FAM117B: variants seen among roughly 807,000 people sequenced by gnomAD.
FAM117B encodes the protein protein FAM117B.
Under a neutral mutation model 52.8 loss-of-function variants are expected in FAM117B, and 22 were observed. The observed-to-expected ratio is 0.42, with a 90% CI of 0.30 to 0.59. The LOEUF is 0.59. Among genes scored for constraint, FAM117B ranks in the 20% least tolerant of loss-of-function variants. The pLI, the probability that FAM117B is intolerant of heterozygous loss-of-function variation, is 0.22. For synonymous variants in FAM117B, 309 were observed against 324.1 expected (o/e 0.95, Z 0.50); for missense variants, 678 against 802.6 (o/e 0.84, Z 1.88).
At chr2:202,700,308 T>C (rs1690778429) in intron 2 of FAM117B, among the ~76,000 whole-genome samples, 1 of 152,146 alleles carries the variant, frequency 6.6e-6, no homozygotes. Context: ...AAAGGAAAAG[T>C]TTTTGAAGGA....
chr2:202,714,533 C>CTTTTTTTTTTTT (rs1034689626), intron 2 of FAM117B, among the ~76,000 whole-genome samples: 347 of 117,528 alleles, frequency 3.0e-3, no homozygotes, highest in Middle Eastern at 4.8e-3. Context: ...TTTTTTTTTT[C>CTTTTTTTTTTTT]TTTTTTTTTT....
intron 2 of FAM117B, among the ~76,000 whole-genome samples, chr2:202,719,869 A>G (rs1691123434): frequency 6.6e-6 from 1 of 152,086 alleles, no homozygotes; most frequent in South Asian, 2.1e-4. Flanking sequence ...AGTGTAGACC[A>G]GTATTTTTTT....
intron 4 of FAM117B, among the ~76,000 whole-genome samples, chr2:202,743,198 G>T (rs1318052125): frequency 6.6e-6 from 1 of 152,190 alleles, no homozygotes; most frequent in Non-Finnish European, 1.5e-5. Context: ...GACTAGCCTG[G>T]CTAGTATTCC....
rs199855927 is a variant in FAM117B, at chr2:202,691,649, T to TTGTG, written c.602-4185_602-4182dup. On this transcript the variant is annotated intron_variant, in intron 1 of 7. Coordinates refer to ENST00000392238, the MANE Select transcript of FAM117B (RefSeq NM_173511.4). Reference sequence around the variant, plus strand: ...TATAATGCATATATACCAGTTTACATTGTGTGTGTGTGTGTGTGTGTGTGT... The same window carrying TTGTG: ...TATAATGCATATATACCAGTTTACATTGTGTGTGTGTGTGTGTGTGTGTGTGTGT... Among the ~76,000 whole-genome samples, 1,082 of 126,768 alleles carry TTGTG rather than the reference T, an allele frequency of 8.5e-3. 11 individuals are homozygous for TTGTG. Among genetic ancestry groups the TTGTG allele is most frequent in the Admixed American group, 0.015 (196 of 12,790 alleles). 83.2% of individuals were successfully genotyped at this position (126,768 alleles called of 152,430 possible).
intron 2 of FAM117B, 93 bp from the exon 3 acceptor site, chr2:202,724,824 G>T: frequency 1.2e-6 from 1 of 848,912 alleles, no homozygotes; most frequent in Non-Finnish European, 1.7e-6. Context: ...TAATTTTTTT[G>T]TAATGGAAAT....
chr2:202,769,422 A>G lies in FAM117B; in HGVS notation c.*3658A>G, dbSNP rs1692037658. The G allele has an allele frequency of 6.6e-6, 1 of 152,666 alleles. No individual in the cohort carries two copies. Among genetic ancestry groups the G allele is most frequent in the Non-Finnish European group, 1.5e-5 (1 of 68,040 alleles). The allele number at this position is 152,666 out of a possible 1,614,324, so 9.5% of individuals were successfully genotyped here. Reference sequence around the variant, plus strand: ...TGAGTGGAAGTGCTGAATTTGCAAAATAAAGCTAAGAATGCTTAACTCTGC... The same window carrying G: ...TGAGTGGAAGTGCTGAATTTGCAAAGTAAAGCTAAGAATGCTTAACTCTGC... On this transcript the variant is annotated 3_prime_UTR_variant, in exon 8 of 8. Transcript: ENST00000392238.
Position 202,635,621 on chromosome 2 carries a change from C to CGCT in FAM117B, c.439_441dup (p.Leu147dup), listed in dbSNP as rs1034775793. Reference sequence around the variant, plus strand: ...CCCCCACGGCCGCCGCCGCCGCCGCCGCTGCTGGGCACCGTGTCGTCGCCC... The same window carrying CGCT: ...CCCCCACGGCCGCCGCCGCCGCCGCCGCTGCTGCTGGGCACCGTGTCGTCGCCC... On this transcript the variant is annotated inframe_insertion, in exon 1 of 8. Transcript: ENST00000392238. The CGCT allele has an allele frequency of 1.9e-5, 25 of 1,292,840 alleles. No homozygotes were observed. Among genetic ancestry groups the CGCT allele is most frequent in the African/African-American group, 4.7e-5 (3 of 64,140 alleles). The allele number at this position is 1,292,840 out of a possible 1,614,324, so 80.1% of individuals were successfully genotyped here.
intron 2 of FAM117B, among the ~76,000 whole-genome samples, chr2:202,696,240 C>A (rs973576593): frequency 6.6e-6 from 1 of 152,150 alleles, no homozygotes; most frequent in Non-Finnish European, 1.5e-5. Context: ...TTTTAAATAG[C>A]TATCAAAGTA....
intron 1 of FAM117B, among the ~76,000 whole-genome samples, chr2:202,655,298 G>A (rs1206510745): frequency 1.3e-5 from 2 of 152,106 alleles, no homozygotes; most frequent in East Asian, 1.9e-4. Context: ...GGAGTTTGTA[G>A]TTTTGGGTGA....
chr2:202,683,020 AGAATCCAGT>A (rs1690486114), intron 1 of FAM117B, among the ~76,000 whole-genome samples: 1 of 152,226 alleles, frequency 6.6e-6, no homozygotes, highest in African/African-American at 2.4e-5. Flanking sequence ...TAAAGGTAAC[AGAATCCAGT>A]GAATTAGGAA....
At chr2:202,761,096 G>T (rs1477202108) in intron 7 of FAM117B, among the ~76,000 whole-genome samples, 1 of 152,126 alleles carries the variant, frequency 6.6e-6, no homozygotes, top group Admixed American at 6.6e-5. Flanking sequence ...TGGGGTTTTG[G>T]CATGTGCCCA....
chr2:202,682,364 C>T (rs1032133554), intron 1 of FAM117B, among the ~76,000 whole-genome samples: 1 of 152,076 alleles, frequency 6.6e-6, no homozygotes, highest in Non-Finnish European at 1.5e-5. Context: ...TCATGAGCAC[C>T]CTACCCTAGA....
intron 1 of FAM117B, among the ~76,000 whole-genome samples, chr2:202,688,574 TAAGAA>T (rs1235403692): frequency 6.6e-6 from 1 of 152,062 alleles, no homozygotes; most frequent in East Asian, 1.9e-4. Flanking sequence ...TCTCTAAGAT[TAAGAA>T]AAGAAAGGTT....
intron 1 of FAM117B, among the ~76,000 whole-genome samples, chr2:202,659,605 T>C (rs1422881863): frequency 5.6e-4 from 25 of 44,570 alleles, no homozygotes; most frequent in Non-Finnish European, 1.0e-3. Flanking sequence ...GCCACCGTGC[T>C]TTTTTTTTTT....
At chr2:202,644,998 T>G (rs1213800303) in intron 1 of FAM117B, among the ~76,000 whole-genome samples, 2 of 152,238 alleles carry the variant, frequency 1.3e-5, no homozygotes, top group East Asian at 3.8e-4. Context: ...CTTTCTGTTA[T>G]CTTTGTTTTT....
intron 1 of FAM117B, among the ~76,000 whole-genome samples, chr2:202,673,207 T>C (rs762415928): frequency 1.3e-5 from 2 of 152,186 alleles, no homozygotes; most frequent in African/African-American, 2.4e-5. Context: ...TTTAATTGTT[T>C]GCAAAAGAAA....
At chr2:202,763,577 A>T (rs1457382120) in intron 7 of FAM117B, among the ~76,000 whole-genome samples, 1 of 152,146 alleles carries the variant, frequency 6.6e-6, no homozygotes, top group Non-Finnish European at 1.5e-5. Flanking sequence ...AACTTCCTCA[A>T]GTTCAGTGTA....
intron 1 of FAM117B, among the ~76,000 whole-genome samples, chr2:202,685,983 A>G (rs1177528343): frequency 2.0e-5 from 3 of 152,244 alleles, no homozygotes; most frequent in African/African-American, 4.8e-5. Context: ...AAAAATTGAG[A>G]AGACAAGCCA....
chr2:202,764,743 G>T (rs750917325), intron 7 of FAM117B, among the ~76,000 whole-genome samples: 5 of 152,028 alleles, frequency 3.3e-5, no homozygotes, highest in Non-Finnish European at 5.9e-5. Flanking sequence ...CAACAATTTG[G>T]GTTAATTTTC....
Sources: gnomAD v4.1 joint callset for allele counts (sites outside exome capture counted in the v4.1 genomes callset) on GRCh38, gnomAD v4.1.1 for gene constraint, MANE v1.5 for transcripts, NCBI Gene and HGNC (gene_info 2026-07-23, HGNC 2026-07-21) for gene names.